Variants in PRKG1 observed in about 807,000 individuals in gnomAD.
PRKG1 encodes protein kinase cGMP-dependent 1.
In PRKG1, 35 loss-of-function variants were observed where a neutral mutation model predicts 88.1. The ratio of observed to expected loss-of-function variants is 0.40; its 90% CI spans 0.30 to 0.53. The LOEUF (loss-of-function observed/expected upper bound fraction) is 0.53, where lower values mean the gene tolerates loss of function less well. PRKG1 is among the 20% of genes least tolerant of loss of function. PRKG1 has a pLI of 0.59. For synonymous variants in PRKG1, 303 were observed against 292.5 expected, an observed-to-expected ratio of 1.04 and a Z score of -0.37; for missense variants, 540 against 839.8, an observed-to-expected ratio of 0.64 and a Z score of 4.41.
At chr10:51,229,941 A>AAAAAAAAAAAAAAG (rs1838795392) in intron 2 of PRKG1, among the ~76,000 whole-genome samples, 1 of 135,962 alleles carries the variant, frequency 7.4e-6, no homozygotes, top group Non-Finnish European at 1.5e-5. Context: ...AAAAAAAAAA[A>AAAAAAAAAAAAAAG]AAAAAAAGAA....
intron 3 of PRKG1, among the ~76,000 whole-genome samples, chr10:51,529,317 G>A (rs759966384): frequency 2.0e-5 from 3 of 151,918 alleles, no homozygotes; most frequent in Non-Finnish European, 4.4e-5. Context: ...CATCTTACAG[G>A]CATTTTATCC....
intron 1 of PRKG1, among the ~76,000 whole-genome samples, chr10:51,087,847 C>G (rs1235567770): frequency 1.3e-5 from 2 of 152,176 alleles, no homozygotes; most frequent in African/African-American, 4.8e-5. Flanking sequence ...TCACTGCAAC[C>G]TCCGCCTCCC....
chr10:51,595,440 C>T (rs1838419542), intron 3 of PRKG1, among the ~76,000 whole-genome samples: 1 of 151,980 alleles, frequency 6.6e-6, no homozygotes, highest in Admixed American at 6.6e-5. Context: ...ACCAGCCTGG[C>T]CAACATGGTA....
chr10:51,798,823 C>T (rs928100014), intron 3 of PRKG1, among the ~76,000 whole-genome samples: 3 of 152,054 alleles, frequency 2.0e-5, no homozygotes, highest in Non-Finnish European at 2.9e-5. Context: ...GTGCACGGTT[C>T]TCACCCCTTA....
chr10:51,570,217 TC>T (rs1237992009), intron 3 of PRKG1, among the ~76,000 whole-genome samples: 5 of 151,480 alleles, frequency 3.3e-5, no homozygotes, highest in South Asian at 4.2e-4. Flanking sequence ...CAGCTGAACA[TC>T]CACGTATAAC....
chr10:51,285,733 C>T (rs1840422828), intron 2 of PRKG1, among the ~76,000 whole-genome samples: 1 of 152,106 alleles, frequency 6.6e-6, no homozygotes, highest in African/African-American at 2.4e-5. Context: ...AGAAAAGTTA[C>T]CACTAGCAGT....
intron 9 of PRKG1, among the ~76,000 whole-genome samples, chr10:52,208,152 G>A (rs1839869994): frequency 6.6e-6 from 1 of 152,140 alleles, no homozygotes; most frequent in Non-Finnish European, 1.5e-5. Context: ...ACACTGTCTT[G>A]TGACCATAGT....
chr10:51,662,828 T>A (rs549873497), intron 3 of PRKG1, among the ~76,000 whole-genome samples: 9 of 152,162 alleles, frequency 5.9e-5, no homozygotes, highest in Admixed American at 2.0e-4. Flanking sequence ...GGGTAGCAAG[T>A]TCAAAGGTAT....
chr10:51,349,838 T>G (rs1402048822), intron 2 of PRKG1, among the ~76,000 whole-genome samples: 1 of 151,978 alleles, frequency 6.6e-6, no homozygotes, highest in Non-Finnish European at 1.5e-5. Context: ...GAGTACACAT[T>G]CTCTCTAGAG....
In PRKG1 at chr10:51,311,938, C is replaced by T. The variant is rs377452169; in HGVS notation, c.479-155785C>T. On this transcript the variant is annotated intron_variant, in intron 2 of 17. Coordinates refer to ENST00000373980, the MANE Select transcript of PRKG1 (RefSeq NM_006258.4). ...CCAGGTTGGAGTGCAATGGCATGATCTTGGCTCACCGCAACCTCTGCCTCC... is the reference window on the plus strand; with the variant it reads ...CCAGGTTGGAGTGCAATGGCATGATTTTGGCTCACCGCAACCTCTGCCTCC... Among the ~76,000 whole-genome samples, 37 of 152,222 alleles carry T rather than the reference C, an allele frequency of 2.4e-4. No homozygotes were observed. In the South Asian group the frequency reaches 7.5e-3, roughly 31 times the overall value.
intron 3 of PRKG1, among the ~76,000 whole-genome samples, chr10:51,707,707 G>C (rs1325328509): frequency 6.6e-6 from 1 of 152,050 alleles, no homozygotes; most frequent in African/African-American, 2.4e-5. Flanking sequence ...GTTGGTCTGA[G>C]AATGTGCCTA....
intron 2 of PRKG1, among the ~76,000 whole-genome samples, chr10:51,446,211 C>T (rs1839268489): frequency 6.6e-6 from 1 of 151,916 alleles, no homozygotes; most frequent in African/African-American, 2.4e-5. Flanking sequence ...TAATGACGTA[C>T]ATCCTAGAAT....
At chr10:51,654,550 A>G (rs938718491) in intron 3 of PRKG1, among the ~76,000 whole-genome samples, 4 of 152,084 alleles carry the variant, frequency 2.6e-5, no homozygotes, top group African/African-American at 4.8e-5. Context: ...TTATTTAAGG[A>G]AAGAAAAACA....
At chr10:52,076,572 G>A (rs1469851890) in intron 7 of PRKG1, among the ~76,000 whole-genome samples, 4 of 152,112 alleles carry the variant, frequency 2.6e-5, no homozygotes, top group Admixed American at 6.6e-5. Flanking sequence ...GAAGGAGAAG[G>A]AGAAGGAGAA....
intron 2 of PRKG1, among the ~76,000 whole-genome samples, chr10:51,328,383 T>C (rs763251315): frequency 6.6e-6 from 1 of 152,220 alleles, no homozygotes; most frequent in Non-Finnish European, 1.5e-5. Flanking sequence ...CATCCACTGA[T>C]GGACACTTCG....
chr10:51,356,324 A>G (rs909733501), intron 2 of PRKG1, among the ~76,000 whole-genome samples: 15 of 152,116 alleles, frequency 9.9e-5, no homozygotes, highest in South Asian at 8.3e-4. Context: ...ACAATTGTAT[A>G]TGTAGCCCAT....
At chr10:51,000,442 G>C (rs952193630) in intron 1 of PRKG1, among the ~76,000 whole-genome samples, 6 of 152,158 alleles carry the variant, frequency 3.9e-5, no homozygotes, top group African/African-American at 1.4e-4. Flanking sequence ...TCTGATCTGA[G>C]CTATGGTTCT....
At chr10:51,619,717 C>T (rs1038696322) in intron 3 of PRKG1, among the ~76,000 whole-genome samples, 12 of 152,112 alleles carry the variant, frequency 7.9e-5, no homozygotes, top group East Asian at 1.9e-4. Context: ...TCTCCAATCA[C>T]GTTTTAAAAG....
rs144062549 is a variant in PRKG1 at position 51,243,989 on chromosome 10, G to A, written c.478+90659G>A. On this transcript the variant is annotated intron_variant, in intron 2 of 17. Transcript: ENST00000373980. ...ATTATCCCTAACAAATGTAACAAAC[G>A]AGTTTTGAATTTTGTTCTATTGTGT... is the stretch of plus-strand genomic sequence containing the variant. Among the ~76,000 whole-genome samples the A allele has an allele frequency of 2.9e-3, 447 of 152,184 alleles. 1 individual carries two copies. The highest frequency in any genetic ancestry group is 1.0e-2 in the African/African-American group (414 of 41,544).
Sources: gnomAD v4.1 joint callset for allele counts (sites outside exome capture counted in the v4.1 genomes callset) on GRCh38, gnomAD v4.1.1 for gene constraint, MANE v1.5 for transcripts, NCBI Gene and HGNC (gene_info 2026-07-23, HGNC 2026-07-21) for gene names.